Variants in ITGBL1 observed in about 807,000 individuals in gnomAD.
The protein encoded by ITGBL1 is integrin beta-like protein 1.
ITGBL1 carries 51 observed loss-of-function variants against 68.5 expected under a neutral mutation model. The observed-to-expected ratio is 0.74, with a 90% CI of 0.59 to 0.94. The LOEUF is 0.94. Among genes scored for constraint, ITGBL1 ranks in the 40% least tolerant of loss-of-function variants. The pLI, the probability that ITGBL1 is intolerant of heterozygous loss-of-function variation, is 0.00. For missense variants in ITGBL1, 649 were observed against 647.4 expected (o/e 1.00, Z -0.03); for synonymous variants, 209 against 227.3 (o/e 0.92, Z 0.72).
intron 2 of ITGBL1, among the ~76,000 whole-genome samples, chr13:101,494,538 T>C (rs2048827905): frequency 6.6e-6 from 1 of 152,214 alleles, no homozygotes; most frequent in Admixed American, 6.5e-5. Context: ...CTAACTTCAG[T>C]GACAATAAGC....
At chr13:101,685,538 C>G (rs943663775) in intron 7 of ITGBL1, among the ~76,000 whole-genome samples, 3 of 152,124 alleles carry the variant, frequency 2.0e-5, no homozygotes, top group Admixed American at 6.6e-5. Flanking sequence ...TAAACTATAA[C>G]AATGGTTGTT....
chr13:101,490,025 T>G, intron 2 of ITGBL1: 1 of 1,326,228 alleles, frequency 7.5e-7, no homozygotes, highest in Non-Finnish European at 1.0e-6. Flanking sequence ...TCATTAAATT[T>G]TATTAGCATT....
At chr13:101,493,182 A>G (rs1047763558) in intron 2 of ITGBL1, among the ~76,000 whole-genome samples, 1 of 152,098 alleles carries the variant, frequency 6.6e-6, no homozygotes, top group Non-Finnish European at 1.5e-5. Flanking sequence ...CACCTCTACT[A>G]TTTTATAAAT....
intron 2 of ITGBL1, among the ~76,000 whole-genome samples, chr13:101,518,201 A>G (rs2049226483): frequency 2.0e-5 from 3 of 152,312 alleles, no homozygotes; most frequent in Admixed American, 2.0e-4. Context: ...AAAAGCTTGT[A>G]AATTCCTTTT....
At chr13:101,473,702 C>T (rs1395916477) in intron 2 of ITGBL1, among the ~76,000 whole-genome samples, 1 of 152,156 alleles carries the variant, frequency 6.6e-6, no homozygotes, top group African/African-American at 2.4e-5. Context: ...TGCATCACCC[C>T]TCCTTTGACC....
intron 5 of ITGBL1, 150 bp downstream of exon 5, chr13:101,579,577 A>C (rs576019522): frequency 1.2e-6 from 1 of 833,004 alleles, no homozygotes; most frequent in African/African-American, 1.7e-5. Context: ...CTATCCCAAC[A>C]ATCTTTTCTG....
chr13:101,599,494 G>C (rs1469672972), intron 7 of ITGBL1, among the ~76,000 whole-genome samples: 1 of 151,650 alleles, frequency 6.6e-6, no homozygotes, highest in African/African-American at 2.4e-5. Flanking sequence ...TGGTGTTTTA[G>C]ACATGAAGTC....
At chr13:101,495,808 C>A (rs1347918003) in intron 2 of ITGBL1, among the ~76,000 whole-genome samples, 1 of 152,004 alleles carries the variant, frequency 6.6e-6, no homozygotes, top group African/African-American at 2.4e-5. Context: ...TAACCTTTCC[C>A]ATTTGTGTAG....
At chr13:101,456,840 G>A (rs550586781) in intron 2 of ITGBL1, among the ~76,000 whole-genome samples, 6 of 152,178 alleles carry the variant, frequency 3.9e-5, no homozygotes, top group East Asian at 1.9e-4. Flanking sequence ...GCTTGAACCC[G>A]GCAGGCAGAG....
intron 2 of ITGBL1, among the ~76,000 whole-genome samples, chr13:101,491,603 A>G (rs1432654424): frequency 1.3e-5 from 2 of 151,902 alleles, no homozygotes; most frequent in Admixed American, 6.6e-5. Flanking sequence ...AATCACCTGG[A>G]TGAGCATTGC....
At chr13:101,669,591 T>G (rs1037153078) in intron 7 of ITGBL1, among the ~76,000 whole-genome samples, 2 of 152,202 alleles carry the variant, frequency 1.3e-5, no homozygotes, top group African/African-American at 4.8e-5. Flanking sequence ...TAGTCCTCTG[T>G]GTTTAAAGCA....
intron 7 of ITGBL1, among the ~76,000 whole-genome samples, chr13:101,598,832 T>C (rs1391246714): frequency 6.6e-6 from 1 of 152,190 alleles, no homozygotes; most frequent in Non-Finnish European, 1.5e-5. Flanking sequence ...ATCCAGTCTA[T>C]CATTGTTGGA....
intron 7 of ITGBL1, among the ~76,000 whole-genome samples, chr13:101,609,563 T>C (rs2031029055): frequency 6.6e-6 from 1 of 152,142 alleles, no homozygotes; most frequent in Non-Finnish European, 1.5e-5. Context: ...CAGGTTGATT[T>C]TTCAGAGATT....
intron 7 of ITGBL1, among the ~76,000 whole-genome samples, chr13:101,684,250 G>A (rs9513935): frequency 0.19 from 28,549 of 151,732 alleles, 3,416 homozygotes; most frequent in Admixed American, 0.28. Context: ...CAACTTTTAT[G>A]ATTACTGTGC....
intron 2 of ITGBL1, among the ~76,000 whole-genome samples, chr13:101,523,340 T>A (rs2049317721): frequency 6.6e-6 from 1 of 152,180 alleles, no homozygotes; most frequent in Non-Finnish European, 1.5e-5. Context: ...TGGCAAACCA[T>A]CCTCTTTGTG....
chr13:101,672,145 C>T (rs2033395008), intron 7 of ITGBL1, among the ~76,000 whole-genome samples: 2 of 152,124 alleles, frequency 1.3e-5, no homozygotes, highest in Non-Finnish European at 1.5e-5. Flanking sequence ...TTCTCATTAT[C>T]TTTAGTAAAG....
intron 2 of ITGBL1, among the ~76,000 whole-genome samples, chr13:101,533,337 A>G (rs1196565548): frequency 6.6e-6 from 1 of 152,174 alleles, no homozygotes; most frequent in African/African-American, 2.4e-5. Context: ...CCTTCTCTCA[A>G]AGAAAATGAT....
chr13:101,534,352 G>GT (rs780791745), intron 2 of ITGBL1, among the ~76,000 whole-genome samples: 41 of 152,216 alleles, frequency 2.7e-4, no homozygotes, highest in Non-Finnish European at 5.0e-4. Flanking sequence ...GTTTGCTTTT[G>GT]TTTTTTAGAA....
chr13:101,680,207 T>C (rs1402777937), intron 7 of ITGBL1, among the ~76,000 whole-genome samples: 1 of 152,188 alleles, frequency 6.6e-6, no homozygotes. Flanking sequence ...TTCTCAAGTG[T>C]TTAATTCCTT....
Sources: gnomAD v4.1 joint callset for allele counts (sites outside exome capture counted in the v4.1 genomes callset) on GRCh38, gnomAD v4.1.1 for gene constraint, MANE v1.5 for transcripts, NCBI Gene and HGNC (gene_info 2026-07-23, HGNC 2026-07-21) for gene names.